The following TGFBR3 variants were observed in gnomAD, a reference collection of about 807,000 sequenced individuals.
TGFBR3 encodes the protein transforming growth factor beta receptor type 3.
In TGFBR3, 46 loss-of-function variants were observed where a neutral mutation model predicts 87.9. The ratio of observed to expected loss-of-function variants is 0.52; its 90% CI spans 0.41 to 0.67. The LOEUF is 0.67. Ranked by LOEUF, TGFBR3 falls within the 30% of genes least tolerant of loss-of-function variation. The pLI, the probability that TGFBR3 is intolerant of heterozygous loss-of-function variation, is 0.00. For missense variants in TGFBR3, 866 were observed against 1,041.9 expected (o/e 0.83, Z 2.32); for synonymous variants, 381 against 391.6 (o/e 0.97, Z 0.32).
At chr1:91,878,183 G>C (rs1018240652) in intron 1 of TGFBR3, among the ~76,000 whole-genome samples, 1 of 151,778 alleles carries the variant, frequency 6.6e-6, no homozygotes, top group Non-Finnish European at 1.5e-5. Context: ...CAGCAACACA[G>C]TGAGTATCTT....
At chr1:91,870,729 G>T (rs1009721527) in intron 1 of TGFBR3, among the ~76,000 whole-genome samples, 2 of 152,172 alleles carry the variant, frequency 1.3e-5, no homozygotes, top group African/African-American at 4.8e-5. Flanking sequence ...GGGTACAGTG[G>T]TTCACACCTA....
At chr1:91,771,056 C>A (rs375345048) in intron 3 of TGFBR3, 1 of 152,188 alleles carries the variant, frequency 6.6e-6, no homozygotes, top group Non-Finnish European at 1.5e-5. Flanking sequence ...ATATCTAACA[C>A]CTAAATGCTT....
intron 2 of TGFBR3, among the ~76,000 whole-genome samples, chr1:91,829,594 A>G (rs1200299091): frequency 6.6e-6 from 1 of 152,140 alleles, no homozygotes; most frequent in Non-Finnish European, 1.5e-5. Flanking sequence ...TCTGAGATTC[A>G]AAGTGTGCTC....
At chr1:91,697,161 A>C (rs535452723) in intron 15 of TGFBR3, among the ~76,000 whole-genome samples, 1 of 152,352 alleles carries the variant, frequency 6.6e-6, no homozygotes, top group South Asian at 2.1e-4. Flanking sequence ...TTATACCCAC[A>C]GATGCAAAAA....
intron 13 of TGFBR3, 73 bp from the exon 14 acceptor site, chr1:91,708,856 C>A: frequency 6.3e-7 from 1 of 1,588,242 alleles, no homozygotes; most frequent in Non-Finnish European, 8.6e-7. Context: ...ACCTGCACAG[C>A]TGTCCTGTGG....
chr1:91,875,695 C>G (rs1474134408), intron 1 of TGFBR3, among the ~76,000 whole-genome samples: 3 of 148,810 alleles, frequency 2.0e-5, no homozygotes, highest in Non-Finnish European at 4.4e-5. Flanking sequence ...CAAGACCAGC[C>G]TGGCCAACAT....
At chr1:91,705,377 T>C (rs148409982) in intron 14 of TGFBR3, among the ~76,000 whole-genome samples, 3,512 of 151,798 alleles carry the variant, frequency 0.023, 127 homozygotes, top group African/African-American at 0.079. Context: ...GCGTGTGCCA[T>C]GACGCCTGGC....
rs1557652877 is a variant in TGFBR3 at position 91,682,187 on chromosome 1, G to C, written c.*1552C>G. ...TGCCCTAAGGTTTTAAGCTTCATCAGGATTACCTACTGAGGTTCCATTCAC... is the reference window on the plus strand; with the variant it reads ...TGCCCTAAGGTTTTAAGCTTCATCACGATTACCTACTGAGGTTCCATTCAC... On this transcript the variant is annotated 3_prime_UTR_variant, in exon 17 of 17. Coordinates refer to ENST00000212355, the MANE Select transcript of TGFBR3 (RefSeq NM_003243.5). 2 of 453,938 alleles carry C rather than the reference G, an allele frequency of 4.4e-6. No individual in the cohort carries two copies. Among genetic ancestry groups the C allele is most frequent in the Non-Finnish European group, 8.8e-6 (2 of 226,752 alleles). 28.1% of individuals were successfully genotyped at this position (453,938 alleles called of 1,614,324 possible).
intron 4 of TGFBR3, among the ~76,000 whole-genome samples, chr1:91,748,552 T>A (rs1673425163): frequency 6.6e-6 from 1 of 152,212 alleles, no homozygotes; most frequent in Non-Finnish European, 1.5e-5. Context: ...TTTGCTCACC[T>A]GATGCGATGC....
chr1:91,729,346 C>T (rs1332848330), intron 6 of TGFBR3, among the ~76,000 whole-genome samples: 2 of 151,962 alleles, frequency 1.3e-5, no homozygotes, highest in Non-Finnish European at 2.9e-5. Context: ...AGTGCCTAAG[C>T]GCTCTAAGGA....
chr1:91,765,544 C>T (rs1451596283), intron 3 of TGFBR3, among the ~76,000 whole-genome samples: 1 of 152,074 alleles, frequency 6.6e-6, no homozygotes, highest in African/African-American at 2.4e-5. Context: ...CTTTGTAGGA[C>T]AAGCCACCCT....
intron 1 of TGFBR3, among the ~76,000 whole-genome samples, chr1:91,871,228 A>C (rs1252241499): frequency 6.6e-6 from 1 of 152,174 alleles, no homozygotes; most frequent in Non-Finnish European, 1.5e-5. Flanking sequence ...GCCACTGTAG[A>C]CATCAACCAG....
At chr1:91,788,584 T>C (rs1675062086) in intron 3 of TGFBR3, among the ~76,000 whole-genome samples, 2 of 152,250 alleles carry the variant, frequency 1.3e-5, no homozygotes, top group South Asian at 4.1e-4. Flanking sequence ...TTTAAGTATT[T>C]AAATCAGCGA....
At position 91,807,471 on chromosome 1, in the gene TGFBR3, G is replaced by T. The variant is rs553619148; in HGVS notation, c.62-10000C>A. On this transcript the variant is annotated intron_variant, in intron 2 of 16. Coordinates refer to ENST00000212355, the MANE Select transcript of TGFBR3 (RefSeq NM_003243.5). ...TTGGGCCAAAAGCCAGTGCATATTT[G>T]TGTATTGTTGTGTTGAAATCATGGA... is the stretch of plus-strand genomic sequence containing the variant. Among the ~76,000 whole-genome samples, 26 of 152,294 alleles carry T rather than the reference G, an allele frequency of 1.7e-4. No individual in the cohort carries two copies. In the East Asian group the frequency reaches 5.0e-3, roughly 29 times the overall value.
chr1:91,721,968 C>A lies in TGFBR3; in HGVS notation c.1062G>T (p.Arg354=), dbSNP rs745369413. 1 of 1,612,830 alleles carries A rather than the reference C, an allele frequency of 6.2e-7. No individual in the cohort carries two copies. Among genetic ancestry groups the A allele is most frequent in the South Asian group, 1.1e-5 (1 of 90,776 alleles). ...MAPVANRFHL[R]LENNAEEMGD... ...CTTCTAACTTACCATTATTTTCAAG[C>A]CGAAGATGAAATCTATTAGCCACAG... The change falls in exon 8 of 17, where the codon CGG becomes CGT. Residue 354 remains arginine, a synonymous_variant. Coordinates refer to ENST00000212355, the MANE Select transcript of TGFBR3 (RefSeq NM_003243.5).
chr1:91,851,526 A>C (rs988655626), intron 2 of TGFBR3, among the ~76,000 whole-genome samples: 1 of 152,150 alleles, frequency 6.6e-6, no homozygotes, highest in Non-Finnish European at 1.5e-5. Flanking sequence ...CACTTCCAAA[A>C]TCAGCGTGCT....
At chr1:91,810,909 G>A (rs1676009119) in intron 2 of TGFBR3, among the ~76,000 whole-genome samples, 1 of 152,148 alleles carries the variant, frequency 6.6e-6, no homozygotes. Context: ...CTTCATCAAA[G>A]CACTTAGCTA....
intron 2 of TGFBR3, among the ~76,000 whole-genome samples, chr1:91,853,231 T>C (rs954695533): frequency 2.6e-5 from 3 of 117,596 alleles, no homozygotes; most frequent in Non-Finnish European, 1.7e-5. Flanking sequence ...CCAAATCAAC[T>C]AGCTGTGTTC....
At chr1:91,851,438 G>A (rs1191554328) in intron 2 of TGFBR3, among the ~76,000 whole-genome samples, 1 of 152,208 alleles carries the variant, frequency 6.6e-6, no homozygotes, top group African/African-American at 2.4e-5. Context: ...TCGGTGCTGA[G>A]CAGGGTCAGT....
Sources: gnomAD v4.1 joint callset for allele counts (sites outside exome capture counted in the v4.1 genomes callset) on GRCh38, gnomAD v4.1.1 for gene constraint, MANE v1.5 for transcripts, NCBI Gene and HGNC (gene_info 2026-07-23, HGNC 2026-07-21) for gene names.